The following KDM5A variants were observed in gnomAD, a reference collection of about 807,000 sequenced individuals.
The protein encoded by KDM5A is lysine demethylase 5A.
KDM5A carries 42 observed loss-of-function variants against 193.5 expected under a neutral mutation model. The ratio of observed to expected loss-of-function variants is 0.22; its 90% CI spans 0.17 to 0.28. The LOEUF is 0.28. Ranked by LOEUF, KDM5A falls within the 10% of genes least tolerant of loss-of-function variation. The pLI, the probability that KDM5A is intolerant of heterozygous loss-of-function variation, is 1.00. For synonymous variants in KDM5A, 796 were observed against 718.1 expected, an observed-to-expected ratio of 1.11 and a Z score of -1.73; for missense variants, 1,692 against 2,055.1, an observed-to-expected ratio of 0.82 and a Z score of 3.42.
intron 3 of KDM5A, among the ~76,000 whole-genome samples, chr12:370,890 T>G (rs1944419689): frequency 6.6e-6 from 1 of 152,208 alleles, no homozygotes. Flanking sequence ...CTTGTGACAG[T>G]TTGCTGAGAA....
chr12:343,318 C>A (rs1944030872), intron 10 of KDM5A, among the ~76,000 whole-genome samples: 1 of 152,194 alleles, frequency 6.6e-6, no homozygotes, highest in South Asian at 2.1e-4. Context: ...AGGCCTACTG[C>A]CTCTAGACTC....
At chr12:360,012 A>G (rs1944276009) in intron 5 of KDM5A, among the ~76,000 whole-genome samples, 1 of 152,082 alleles carries the variant, frequency 6.6e-6, no homozygotes, top group Admixed American at 6.5e-5. Flanking sequence ...GTGATGGCTC[A>G]CACCTATAAT....
At chr12:333,742 T>A in intron 11 of KDM5A, 93 bp from the exon 12 acceptor site, 2 of 1,183,506 alleles carry the variant, frequency 1.7e-6, no homozygotes, top group Non-Finnish European at 2.5e-6. Context: ...AATTAACTTG[T>A]CTTATTCCAT....
chr12:304,056 T>A (rs1943475538), intron 24 of KDM5A, among the ~76,000 whole-genome samples: 1 of 152,200 alleles, frequency 6.6e-6, no homozygotes, highest in African/African-American at 2.4e-5. Context: ...GTCCTTGCAA[T>A]GTTAAGTGAG....
intron 26 of KDM5A, 21 bp from the exon 27 acceptor site, chr12:293,190 G>A: frequency 3.1e-6 from 5 of 1,597,902 alleles, no homozygotes; most frequent in Non-Finnish European, 4.3e-6. Context: ...ATAAATTTAG[G>A]AACAATTTTA....
In KDM5A at chr12:292,766, T is replaced by C; in HGVS notation, c.4859A>G (p.Lys1620Arg). The C allele has an allele frequency of 6.2e-7, 1 of 1,614,254 alleles. No homozygotes were observed. The highest frequency in any genetic ancestry group is 8.5e-7 in the Non-Finnish European group (1 of 1,180,044). ...TAAACAGTTGGAACTCACCTTGTCC[T>C]TGCAGGGCCTTTGGCAGTTCTGTGC... ...CAAQNCQRPC[K>R]DKVDWVQCDG... The change falls in exon 27 of 28, where the codon AAG becomes AGG. Residue 1620 changes from lysine (K) to arginine (R), a missense_variant. By Grantham distance (26) the Lys-to-Arg change is conservative. Coordinates refer to ENST00000399788, the MANE Select transcript of KDM5A (RefSeq NM_001042603.3).
At chr12:380,544 C>G (rs1374529061) in intron 3 of KDM5A, among the ~76,000 whole-genome samples, 1 of 152,020 alleles carries the variant, frequency 6.6e-6, no homozygotes, top group African/African-American at 2.4e-5. Context: ...GGTAAAAACC[C>G]CATCTTTACT....
Position 318,092 on chromosome 12 carries a change from CA to C in KDM5A, c.2897+13del. 2 of 1,601,852 alleles carry C rather than the reference CA, an allele frequency of 1.2e-6. No individual in the cohort carries two copies. The highest frequency in any genetic ancestry group is 2.2e-5 in the South Asian group (2 of 90,762). On this transcript the variant is annotated intron_variant, in intron 19 of 27. Coordinates refer to ENST00000399788, the MANE Select transcript of KDM5A (RefSeq NM_001042603.3). ...TAGTTGTTAAAGAGGCAACTGTCACCAAAATGTGTTCACCTTGCCTGTAGGC... is the reference window on the plus strand; with the variant it reads ...TAGTTGTTAAAGAGGCAACTGTCACCAAATGTGTTCACCTTGCCTGTAGGC...
In KDM5A at chr12:283,507, A is replaced by G. The variant is rs1325823086; in HGVS notation, c.*1949T>C. 4.3e-6 allele frequency: 1 copy of G among 232,950 alleles called. No individual in the cohort carries two copies. The highest frequency in any genetic ancestry group is 2.2e-5 in the African/African-American group (1 of 45,328). The allele number at this position is 232,950 out of a possible 1,614,324, so 14.4% of individuals were successfully genotyped here. ...ATAAAAAGTAGGTAGTATGAACTTCAGAGAAAACATTTACAGAAATTGGAT... is the reference window on the plus strand; with the variant it reads ...ATAAAAAGTAGGTAGTATGAACTTCGGAGAAAACATTTACAGAAATTGGAT... On this transcript the variant is annotated 3_prime_UTR_variant, in exon 28 of 28. Transcript: ENST00000399788.
chr12:343,572 G>A (rs1196276906), intron 10 of KDM5A, among the ~76,000 whole-genome samples: 3 of 152,150 alleles, frequency 2.0e-5, no homozygotes, highest in Admixed American at 2.0e-4. Context: ...GAAGCATCAA[G>A]CAGCAATATT....
Position 389,032 on chromosome 12 carries a change from G to A in KDM5A, c.60C>T (p.Pro20=), listed in dbSNP as rs376110446. 6.8e-6 allele frequency: 11 copies of A among 1,613,886 alleles called. No individual in the cohort carries two copies. In the African/African-American group the frequency reaches 9.3e-5, roughly 14 times the overall value. The change falls in exon 1 of 28, where the codon CCC becomes CCT. Residue 20 remains proline (P), a synonymous_variant. Coordinates refer to ENST00000399788, the MANE Select transcript of KDM5A (RefSeq NM_001042603.3). ...ACTCCTCCCAACTCGGCTCAAAGAC[G>A]GGGCACTCTGGCGGTGGCACGAACT... ...AAEFVPPPEC[P]VFEPSWEEFT...
chr12:385,195 A>G (rs1944625059), intron 2 of KDM5A, among the ~76,000 whole-genome samples: 1 of 151,796 alleles, frequency 6.6e-6, no homozygotes, highest in South Asian at 2.1e-4. Flanking sequence ...AAAAAAAAAA[A>G]AAAAAGTATG....
At chr12:308,333 C>T (rs942358499) in intron 22 of KDM5A, among the ~76,000 whole-genome samples, 2 of 152,114 alleles carry the variant, frequency 1.3e-5, no homozygotes, top group African/African-American at 4.8e-5. Context: ...AGTTTCAGAA[C>T]GTCCGTTTTC....
chr12:330,163 T>C (rs1591916306), intron 13 of KDM5A, among the ~76,000 whole-genome samples: 2 of 151,650 alleles, frequency 1.3e-5, no homozygotes, highest in Admixed American at 6.6e-5. Flanking sequence ...AAATACGTAC[T>C]CTTTAAAAAT....
chr12:339,367 ACTTTGT>A (rs1349911572), intron 10 of KDM5A, among the ~76,000 whole-genome samples: 1 of 149,840 alleles, frequency 6.7e-6, no homozygotes, highest in Non-Finnish European at 1.5e-5. Flanking sequence ...AATTTCATAC[ACTTTGT>A]CTAATTAGTC....
At chr12:296,993 C>G in intron 25 of KDM5A, 48 bp downstream of exon 25, 2 of 1,579,696 alleles carry the variant, frequency 1.3e-6, no homozygotes, top group South Asian at 2.2e-5. Flanking sequence ...TGCTTTTTCT[C>G]ATTGGTTTTC....
intron 24 of KDM5A, among the ~76,000 whole-genome samples, chr12:297,954 G>A (rs1042950655): frequency 2.6e-5 from 4 of 152,076 alleles, no homozygotes; most frequent in African/African-American, 9.7e-5. Context: ...AACAATCCAC[G>A]GAGATAATAA....
intron 4 of KDM5A, among the ~76,000 whole-genome samples, chr12:363,310 G>A (rs1237948764): frequency 1.3e-5 from 2 of 151,996 alleles, no homozygotes; most frequent in Admixed American, 6.6e-5. Context: ...GGAAATATAA[G>A]TTGTTTAGAA....
intron 19 of KDM5A, among the ~76,000 whole-genome samples, chr12:315,044 T>G (rs1477172319): frequency 6.6e-6 from 1 of 152,072 alleles, no homozygotes; most frequent in East Asian, 1.9e-4. Context: ...CTAGTGGCAG[T>G]ATAGAGAATG....
Sources: gnomAD v4.1 joint callset for allele counts (sites outside exome capture counted in the v4.1 genomes callset) on GRCh38, gnomAD v4.1.1 for gene constraint, MANE v1.5 for transcripts, NCBI Gene and HGNC (gene_info 2026-07-23, HGNC 2026-07-21) for gene names.